ZNF283: variants seen among roughly 807,000 people sequenced by gnomAD.
ZNF283 encodes zinc finger protein 283, also known as zinc finger protein 41.
ZNF283 carries 10 observed loss-of-function variants against 9.2 expected under a neutral mutation model. The observed-to-expected ratio is 1.09, with a 90% CI of 0.67 to 1.85. ZNF283 has a LOEUF of 1.85. Among genes scored for constraint, ZNF283 ranks in the 40% most tolerant of loss-of-function variants. ZNF283 has a pLI of 0.00. For synonymous variants in ZNF283, 234 were observed against 244.1 expected (o/e 0.96, Z 0.38); for missense variants, 631 against 760.1 (o/e 0.83, Z 2.00).
At chr19:43,829,988 A>G (rs1034753887) in intron 2 of ZNF283, among the ~76,000 whole-genome samples, 2 of 152,162 alleles carry the variant, frequency 1.3e-5, no homozygotes, top group Admixed American at 1.3e-4. Context: ...GCGCCACTGC[A>G]CTCCAGCCTG....
intron 3 of ZNF283, 38 bp downstream of exon 3, chr19:43,831,419 G>C (rs753199593): frequency 6.5e-7 from 1 of 1,547,250 alleles, no homozygotes; most frequent in Non-Finnish European, 8.7e-7. Context: ...GATTTTCAGT[G>C]TTGGCCCCGT....
rs772230893 is a variant in ZNF283 at position 43,847,011 on chromosome 19, A to G, written c.410A>G (p.Gln137Arg). ...ENDIFEINFSQWEMKDKSKTL... is the reference protein window; with the variant it reads ...ENDIFEINFSRWEMKDKSKTL... ...GATATTTTTGAAATAAATTTTTCCC[A>G]GTGGGAGATGAAGGACAAAAGTAAA... is the stretch of plus-strand genomic sequence containing the variant. The change falls in exon 7 of 7, where the codon CAG becomes CGG. Residue 137 changes from glutamine to arginine, a missense_variant. By Grantham distance (43) the Gln-to-Arg change is conservative. Coordinates refer to ENST00000618787, the MANE Select transcript of ZNF283 (RefSeq NM_181845.2). The G allele has an allele frequency of 3.8e-6, 6 of 1,574,020 alleles. No individual in the cohort carries two copies. Among genetic ancestry groups the G allele is most frequent in the Non-Finnish European group, 5.2e-6 (6 of 1,163,292 alleles).
Position 43,835,582 on chromosome 19 carries a change from C to A in ZNF283, c.200C>A (p.Thr67Asn). 1 of 1,604,022 alleles carries A rather than the reference C, an allele frequency of 6.2e-7. No individual in the cohort carries two copies. The highest frequency in any genetic ancestry group is 1.3e-5 in the African/African-American group (1 of 74,928). Residue 67 changes from threonine (T) to asparagine (N), a missense_variant, in exon 5 of 7, where the codon ACC (threonine) becomes AAC (asparagine). Coordinates refer to ENST00000618787, the MANE Select transcript of ZNF283 (RefSeq NM_181845.2). ...GALISSCNSRTMTDGLVTFRD... is the reference protein window; with the variant it reads ...GALISSCNSRNMTDGLVTFRD... ...TTAATTAGTTCTTGCAATTCCAGAA[C>A]CATGACTGATGTAAGTTGGTATTTT... is the stretch of plus-strand genomic sequence containing the variant.
rs766639058 is a variant in ZNF283, at chr19:43,848,015, T to G, written c.1414T>G (p.Ser472Ala). The G allele has an allele frequency of 6.2e-7, 1 of 1,613,844 alleles. No homozygotes were observed. The highest frequency in any genetic ancestry group is 2.2e-5 in the East Asian group (1 of 44,860). ...ATGTGGGAAGGCCTTTAGTTGGGGT[T>G]CAAGCCTTGTTAAACATGAGAGAGT... ...KECGKAFSWG[S>A]SLVKHERVHT... Residue 472 changes from serine to alanine, a missense_variant, in exon 7 of 7, where the codon TCA (serine) becomes GCA (alanine). Ser to Ala is a moderately conservative substitution (Grantham distance 99). Transcript: ENST00000618787.
At position 43,837,072 on chromosome 19, in the gene ZNF283, A is replaced by T. The variant is rs753801250; in HGVS notation, c.230A>T (p.Asp77Val). ...TTTTAGGGGTTGGTGACATTCAGGG[A>T]TGTGGCCATCGACTTCTCTCAGGAG... Reference protein sequence around the residue: ...TMTDGLVTFRDVAIDFSQEEW... With the variant: ...TMTDGLVTFRVVAIDFSQEEW... Residue 77 changes from aspartate (D) to valine (V), a missense_variant, in exon 6 of 7, where the codon GAT (aspartate) becomes GTT (valine). Physicochemically the swap from Asp to Val is radical, Grantham distance 152. This residue lies in a region of ZNF283 where 184 missense variants were observed against 220.0 expected (regional missense o/e 0.84). Coordinates refer to ENST00000618787, the MANE Select transcript of ZNF283 (RefSeq NM_181845.2). 4 of 1,613,984 alleles carry T rather than the reference A, an allele frequency of 2.5e-6. No individual in the cohort carries two copies. The highest frequency in any genetic ancestry group is 3.4e-6 in the Non-Finnish European group (4 of 1,180,034).
At chr19:43,834,967 T>A (rs1043687572) in intron 4 of ZNF283, among the ~76,000 whole-genome samples, 3 of 152,226 alleles carry the variant, frequency 2.0e-5, no homozygotes, top group Admixed American at 6.5e-5. Context: ...CTTTCTGTAT[T>A]GATATATATG....
chr19:43,847,825 T>C lies in ZNF283; in HGVS notation c.1224T>C (p.Cys408=), dbSNP rs4527132. 6.2e-7 allele frequency: 1 copy of C among 1,613,886 alleles called. No individual in the cohort carries two copies. The highest frequency in any genetic ancestry group is 8.5e-7 in the Non-Finnish European group (1 of 1,179,938). The change falls in exon 7 of 7, where the codon TGT becomes TGC. Residue 408 remains cysteine, a synonymous_variant. Coordinates refer to ENST00000618787, the MANE Select transcript of ZNF283 (RefSeq NM_181845.2). ...AGAAACCCTATGAATGCAAGGAATGTGGGAAGGCTTTTAATTGCGGATCAA... is the reference window on the plus strand; with the variant it reads ...AGAAACCCTATGAATGCAAGGAATGCGGGAAGGCTTTTAATTGCGGATCAA... The part of the protein sequence containing the change: ...TGEKPYECKE[C]GKAFNCGSSL...
intron 6 of ZNF283, among the ~76,000 whole-genome samples, chr19:43,842,392 G>A (rs916695768): frequency 3.9e-5 from 6 of 152,094 alleles, no homozygotes; most frequent in Admixed American, 6.5e-5. Flanking sequence ...CTTCTTTACC[G>A]GTCTTACAAT....
chr19:43,830,867 C>T (rs1390244585), intron 2 of ZNF283, among the ~76,000 whole-genome samples: 1 of 133,786 alleles, frequency 7.5e-6, no homozygotes, highest in Non-Finnish European at 1.5e-5. Context: ...TGCACCACTG[C>T]ACTCCAGCCT....
chr19:43,836,368 A>T (rs7248346), intron 5 of ZNF283, among the ~76,000 whole-genome samples: 5,567 of 152,174 alleles, frequency 0.037, 340 homozygotes, highest in African/African-American at 0.12. Flanking sequence ...TTGAGACAGA[A>T]TCTTGCTCTG....
intron 6 of ZNF283, among the ~76,000 whole-genome samples, chr19:43,846,473 C>T (rs1279973273): frequency 6.6e-6 from 1 of 152,118 alleles, no homozygotes; most frequent in East Asian, 1.9e-4. Context: ...TAGTCTTGCC[C>T]ATTTGTTTAT....
chr19:43,851,437 C>G lies in ZNF283; in HGVS notation c.*2796C>G, dbSNP rs1336568256. Reference sequence around the variant, plus strand: ...AGAAGTGAAAAAAAAAAAAAGACGGCCGGGCGCGGTGGCTCATGCCTGTAA... The same window carrying G: ...AGAAGTGAAAAAAAAAAAAAGACGGGCGGGCGCGGTGGCTCATGCCTGTAA... On this transcript the variant is annotated 3_prime_UTR_variant, in exon 7 of 7. Transcript: ENST00000618787. The G allele has an allele frequency of 2.0e-5, 3 of 151,204 alleles. No homozygotes were observed. The highest frequency in any genetic ancestry group is 7.3e-5 in the African/African-American group (3 of 41,204). 9.4% of individuals were successfully genotyped at this position (151,204 alleles called of 1,614,324 possible).
In ZNF283 at chr19:43,848,648, G is replaced by A. The variant is rs766897453; in HGVS notation, c.*7G>A. 5 of 1,531,764 alleles carry A rather than the reference G, an allele frequency of 3.3e-6. No individual in the cohort carries two copies. The highest frequency in any genetic ancestry group is 3.5e-6 in the Non-Finnish European group (4 of 1,139,772). The allele number at this position is 1,531,764 out of a possible 1,614,324, so 94.9% of individuals were successfully genotyped here. A position where few individuals can be genotyped will look rare whatever the true frequency, so the allele number is the denominator to read the frequency against. ...TACTGATGAAACCTTATGATTGAAA[G>A]TTGTAAAAGAATATTTTGTGTGTGT... On this transcript the variant is annotated 3_prime_UTR_variant, in exon 7 of 7. Transcript: ENST00000618787.
In ZNF283 at chr19:43,849,911, G is replaced by A. The variant is rs1366440022; in HGVS notation, c.*1270G>A. 2 of 152,074 alleles carry A rather than the reference G, an allele frequency of 1.3e-5. No individual in the cohort carries two copies. Among genetic ancestry groups the A allele is most frequent in the Non-Finnish European group, 2.9e-5 (2 of 68,020 alleles). The allele number at this position is 152,074 out of a possible 1,614,324, so 9.4% of individuals were successfully genotyped here. ...AGTATTACTACTGGTGAATTCTTAG[G>A]AGAGGCACAACCGTTTTGAGGAATG... is the stretch of plus-strand genomic sequence containing the variant. On this transcript the variant is annotated 3_prime_UTR_variant, in exon 7 of 7. Coordinates refer to ENST00000618787, the MANE Select transcript of ZNF283 (RefSeq NM_181845.2).
intron 6 of ZNF283, among the ~76,000 whole-genome samples, chr19:43,843,035 T>C (rs1219949240): frequency 6.6e-6 from 1 of 152,212 alleles, no homozygotes; most frequent in African/African-American, 2.4e-5. Flanking sequence ...AAACCACTTG[T>C]ACAGTTGTTT....
chr19:43,847,027 CA>C lies in ZNF283; in HGVS notation c.430del (p.Ser144ValfsTer24), dbSNP rs1971427541. Reference sequence around the variant, plus strand: ...ATTTTTCCCAGTGGGAGATGAAGGACAAAAGTAAAACCCTTGGCCTTGAGGC... The same window carrying C: ...ATTTTTCCCAGTGGGAGATGAAGGACAAAGTAAAACCCTTGGCCTTGAGGC... ...INFSQWEMKDKSKTLGLEASI... is the reference protein window; with the variant it reads ...INFSQWEMKDXSKTLGLEASI... On this transcript the variant is annotated frameshift_variant, in exon 7 of 7. Transcript: ENST00000618787. LOFTEE classifies it low-confidence loss of function (END_TRUNC). 8.7e-6 allele frequency: 14 copies of C among 1,607,232 alleles called. No individual in the cohort carries two copies. In the Admixed American group the frequency reaches 1.4e-4, roughly 16 times the overall value.
intron 6 of ZNF283, among the ~76,000 whole-genome samples, chr19:43,846,415 C>T (rs575039525): frequency 2.0e-5 from 3 of 152,092 alleles, no homozygotes; most frequent in Non-Finnish European, 4.4e-5. Context: ...AACTCTGGCT[C>T]TGGAGGCCAA....
At chr19:43,830,475 T>C (rs578081782) in intron 2 of ZNF283, among the ~76,000 whole-genome samples, 3 of 152,158 alleles carry the variant, frequency 2.0e-5, no homozygotes, top group African/African-American at 4.8e-5. Context: ...TTTGTAAATA[T>C]GTGTAAATGT....
intron 6 of ZNF283, among the ~76,000 whole-genome samples, chr19:43,845,713 G>A (rs1971375477): frequency 6.6e-6 from 1 of 152,020 alleles, no homozygotes; most frequent in South Asian, 2.1e-4. Flanking sequence ...CTCATATAGA[G>A]TGGACAGTTT....
Sources: gnomAD v4.1 joint callset for allele counts (sites outside exome capture counted in the v4.1 genomes callset) on GRCh38, gnomAD v4.1.1 for gene constraint, gnomAD v4.1.1 regional missense constraint, MANE v1.5 for transcripts, NCBI Gene and HGNC (gene_info 2026-07-23, HGNC 2026-07-21) for gene names.